ANKS1A: variants seen among roughly 807,000 people sequenced by gnomAD.
ANKS1A encodes the protein ankyrin repeat and sterile alpha motif domain containing 1A, also known as ankyrin repeat and SAM domain-containing protein 1A.
ANKS1A carries 55 observed loss-of-function variants against 120.3 expected under a neutral mutation model. That is an observed-to-expected ratio of 0.46 (90% CI 0.37 to 0.57). The LOEUF (loss-of-function observed/expected upper bound fraction) is 0.57, where lower values mean the gene tolerates loss of function less well. Ranked by LOEUF, ANKS1A falls within the 20% of genes least tolerant of loss-of-function variation. The pLI, the probability that ANKS1A is intolerant of heterozygous loss-of-function variation, is 0.00. For synonymous variants in ANKS1A, 590 were observed against 604.7 expected (o/e 0.98, Z 0.36); for missense variants, 1,123 against 1,480.3 (o/e 0.76, Z 3.96).
Position 34,892,830 on chromosome 6 carries a change from A to G in ANKS1A, c.197+3231A>G, listed in dbSNP as rs550430552. On this transcript the variant is annotated intron_variant, in intron 1 of 23. Coordinates refer to ENST00000360359, the MANE Select transcript of ANKS1A (RefSeq NM_015245.3). The stretch of plus-strand genomic sequence containing the variant: ...GCCTGTCAGTATAATGTTTACATAT[A>G]GCAACCCTCACCGATTGATGCTATA... 3.3e-5 allele frequency among the ~76,000 whole-genome samples: 5 copies of G among 152,342 alleles called. No individual in the cohort carries two copies. In the East Asian group the frequency reaches 7.7e-4, roughly 23 times the overall value.
intron 1 of ANKS1A, among the ~76,000 whole-genome samples, chr6:34,926,638 CACTT>C (rs1425146776): frequency 5.3e-5 from 8 of 152,108 alleles, no homozygotes. Context: ...TATATTGGAA[CACTT>C]ACATTAGGTA....
intron 1 of ANKS1A, among the ~76,000 whole-genome samples, chr6:34,906,385 T>C (rs1378674239): frequency 6.6e-6 from 1 of 152,176 alleles, no homozygotes; most frequent in Non-Finnish European, 1.5e-5. Context: ...AGTGGGAGGT[T>C]GCTCTCTCTG....
chr6:34,965,311 A>G lies in ANKS1A; in HGVS notation c.198-1928A>G, dbSNP rs529467853. Among the ~76,000 whole-genome samples, 81 of 152,260 alleles carry G rather than the reference A, an allele frequency of 5.3e-4. No homozygotes were observed. In the South Asian group the frequency reaches 9.5e-3, roughly 18 times the overall value. On this transcript the variant is annotated intron_variant, in intron 1 of 23. Coordinates refer to ENST00000360359, the MANE Select transcript of ANKS1A (RefSeq NM_015245.3). ...TCTACTCTGTGTCTGTACTGTAGTT[A>G]TAATAATTTGTCTGTTGATGCCTAT...
Position 34,899,408 on chromosome 6 carries a change from A to G in ANKS1A, c.197+9809A>G, listed in dbSNP as rs1167577335. Among the ~76,000 whole-genome samples, 3 of 152,238 alleles carry G rather than the reference A, an allele frequency of 2.0e-5. No individual in the cohort carries two copies. In the South Asian group the frequency reaches 6.2e-4, roughly 32 times the overall value. Reference sequence around the variant, plus strand: ...ATACCTATAATCCCAGCACTTTGGGAGGCTGAGGCCAGAGGATCACTTGAG... The same window carrying G: ...ATACCTATAATCCCAGCACTTTGGGGGGCTGAGGCCAGAGGATCACTTGAG... On this transcript the variant is annotated intron_variant, in intron 1 of 23. Coordinates refer to ENST00000360359, the MANE Select transcript of ANKS1A (RefSeq NM_015245.3).
chr6:34,971,509 G>A (rs1257950119), intron 3 of ANKS1A, among the ~76,000 whole-genome samples: 1 of 152,186 alleles, frequency 6.6e-6, no homozygotes. Flanking sequence ...TCCTCTCTCT[G>A]CTCTGAACTG....
chr6:35,053,122 C>T (rs1776050070), intron 11 of ANKS1A, among the ~76,000 whole-genome samples: 1 of 152,250 alleles, frequency 6.6e-6, no homozygotes, highest in Non-Finnish European at 1.5e-5. Context: ...CTGACCCAGG[C>T]TCCTTACTTG....
rs1778251831 is a variant in ANKS1A, at chr6:35,090,634, TTTC to T, written c.*2028_*2030del. 7.1e-6 allele frequency: 7 copies of T among 991,500 alleles called. No homozygotes were observed. Among genetic ancestry groups the T allele is most frequent in the Non-Finnish European group, 8.4e-6 (7 of 833,856 alleles). The allele number at this position is 991,500 out of a possible 1,614,324, so 61.4% of individuals were successfully genotyped here. On this transcript the variant is annotated 3_prime_UTR_variant, in exon 24 of 24. Coordinates refer to ENST00000360359, the MANE Select transcript of ANKS1A (RefSeq NM_015245.3). ...AGAAAGGAAAATGACTGGGCCTTTC[TTTC>T]TTTTCTTCTCCTCTGGGATGGGTAG...
intron 1 of ANKS1A, among the ~76,000 whole-genome samples, chr6:34,918,755 T>A (rs910897078): frequency 6.6e-6 from 1 of 152,196 alleles, no homozygotes; most frequent in African/African-American, 2.4e-5. Context: ...ACAACACACA[T>A]GAAATTTTTT....
intron 11 of ANKS1A, among the ~76,000 whole-genome samples, chr6:35,038,038 C>T (rs1263020405): frequency 6.6e-6 from 1 of 152,038 alleles, no homozygotes; most frequent in African/African-American, 2.4e-5. Context: ...CTCTTTGTCT[C>T]TTGGGGAGGG....
At chr6:35,020,165 A>C (rs1774258857) in intron 11 of ANKS1A, among the ~76,000 whole-genome samples, 1 of 152,214 alleles carries the variant, frequency 6.6e-6, no homozygotes, top group Non-Finnish European at 1.5e-5. Flanking sequence ...GAGTACAGCC[A>C]GCCCTCCATA....
chr6:34,999,279 T>C (rs1773026588), intron 10 of ANKS1A, among the ~76,000 whole-genome samples: 1 of 152,200 alleles, frequency 6.6e-6, no homozygotes. Flanking sequence ...TGATCACCCA[T>C]GGCGTGCCTG....
intron 10 of ANKS1A, among the ~76,000 whole-genome samples, chr6:35,003,436 C>A (rs937427082): frequency 6.6e-6 from 1 of 152,222 alleles, no homozygotes; most frequent in Non-Finnish European, 1.5e-5. Context: ...TTTAACCTTA[C>A]TAATTACTGT....
At chr6:35,080,845 T>C in intron 16 of ANKS1A, 149 bp from the exon 17 acceptor site, 1 of 914,680 alleles carries the variant, frequency 1.1e-6, no homozygotes, top group Non-Finnish European at 1.6e-6. Context: ...GCCACCTGTC[T>C]GACACCCCTG....
chr6:35,019,123 C>A (rs536839521), intron 11 of ANKS1A, among the ~76,000 whole-genome samples: 1 of 152,118 alleles, frequency 6.6e-6, no homozygotes, highest in South Asian at 2.1e-4. Flanking sequence ...TCTCTGTGAC[C>A]TATGGCATGT....
In ANKS1A at chr6:35,081,788, G is replaced by C. The variant is rs188563641; in HGVS notation, c.2709+630G>C. Among the ~76,000 whole-genome samples, 11 of 152,288 alleles carry C rather than the reference G, an allele frequency of 7.2e-5. No individual in the cohort carries two copies. In the East Asian group the frequency reaches 1.9e-3, roughly 27 times the overall value. ...CACCTTCTCAGGGCATCATTTCCAGGGGTCCTGGATTTACTCAGGACCTGC... is the reference window on the plus strand; with the variant it reads ...CACCTTCTCAGGGCATCATTTCCAGCGGTCCTGGATTTACTCAGGACCTGC... On this transcript the variant is annotated intron_variant, in intron 17 of 23. Transcript: ENST00000360359.
chr6:34,983,983 A>T (rs1393477779), intron 7 of ANKS1A, among the ~76,000 whole-genome samples: 1 of 151,938 alleles, frequency 6.6e-6, no homozygotes, highest in African/African-American at 2.4e-5. Flanking sequence ...TTTAGTAGAG[A>T]CAGGGTTTCA....
chr6:35,080,795 C>T (rs553142461), intron 16 of ANKS1A, among the ~76,000 whole-genome samples, 199 bp from the exon 17 acceptor site: 12 of 152,220 alleles, frequency 7.9e-5, no homozygotes, highest in Admixed American at 3.3e-4. Context: ...GTGGCTTCCC[C>T]GCCCTCTCGG....
chr6:35,046,055 A>G (rs977775860), intron 11 of ANKS1A, among the ~76,000 whole-genome samples: 1 of 152,264 alleles, frequency 6.6e-6, no homozygotes, highest in African/African-American at 2.4e-5. Flanking sequence ...GACAGAGGAT[A>G]CAAACATATT....
At position 35,079,542 on chromosome 6, in the gene ANKS1A, C is replaced by T. The variant is rs138671455; in HGVS notation, c.2310C>T (p.Asn770=). The change falls in exon 15 of 24, where the codon AAC becomes AAT. Residue 770 remains asparagine, a synonymous_variant. Transcript: ENST00000360359. ...TGAAGGCTCTGGGTTATGACGGGAA[C>T]AGCCCCCCTAGCGTGCCCTCCTGGC... ...PKVKALGYDG[N]SPPSVPSWLD... 4.3e-6 allele frequency: 7 copies of T among 1,613,736 alleles called. No homozygotes were observed. Among genetic ancestry groups the T allele is most frequent in the Admixed American group, 1.7e-5 (1 of 60,004 alleles).
Sources: gnomAD v4.1 joint callset for allele counts (sites outside exome capture counted in the v4.1 genomes callset) on GRCh38, gnomAD v4.1.1 for gene constraint, MANE v1.5 for transcripts, NCBI Gene and HGNC (gene_info 2026-07-23, HGNC 2026-07-21) for gene names.